CCNL1: variants seen among roughly 807,000 people sequenced by gnomAD.
CCNL1 encodes the protein cyclin L1, also known as cyclin-L1.
A neutral mutation model predicts 60.6 loss-of-function variants in CCNL1; 13 were observed. The ratio of observed to expected loss-of-function variants is 0.21; its 90% confidence interval spans 0.14 to 0.34. The LOEUF (loss-of-function observed/expected upper bound fraction) is 0.34, where lower values mean the gene tolerates loss of function less well. Among genes scored for constraint, CCNL1 ranks in the 10% least tolerant of loss-of-function variants. The pLI is 1.00. For synonymous variants in CCNL1, 270 were observed against 244.3 expected (o/e 1.10, Z -0.98); for missense variants, 481 against 664.3 (o/e 0.72, Z 3.03).
chr3:157,146,848 A>G (rs953240926), downstream of CCNL1, among the ~76,000 whole-genome samples: 2 of 152,202 alleles, frequency 1.3e-5, no homozygotes, highest in Non-Finnish European at 2.9e-5. Flanking sequence ...TGAAGTGGCT[A>G]ACTTTTGCTG....
chr3:157,159,506 C>T (rs200036211), intron 1 of CCNL1, 27 bp from the exon 2 acceptor site: 4 of 1,602,304 alleles, frequency 2.5e-6, no homozygotes, highest in Non-Finnish European at 3.4e-6. Flanking sequence ...AGAACGGAAG[C>T]GCAGGGGTCA....
chr3:157,150,432 G>A, intron 5 of CCNL1, 51 bp from the exon 6 acceptor site: 1 of 1,576,326 alleles, frequency 6.3e-7, no homozygotes, highest in Non-Finnish European at 8.7e-7. Context: ...CAGTTCTTCT[G>A]AAGCTTACAT....
At chr3:157,145,437 C>CAAGAAAAAAAAAAAAA (rs1737750771), downstream of CCNL1, among the ~76,000 whole-genome samples, 1 of 24,266 alleles carries the variant, frequency 4.1e-5, no homozygotes, top group African/African-American at 1.4e-4. Context: ...GACTTCATCT[C>CAAGAAAAAAAAAAAAA]AAAAAAAAAA....
chr3:157,157,695 G>A (rs1738726463), intron 3 of CCNL1, among the ~76,000 whole-genome samples: 1 of 152,160 alleles, frequency 6.6e-6, no homozygotes, highest in South Asian at 2.1e-4. Context: ...ACACAGTTAA[G>A]GTGAATGAGA....
intron 3 of CCNL1, among the ~76,000 whole-genome samples, chr3:157,158,427 A>T (rs1047220708): frequency 6.6e-6 from 1 of 152,234 alleles, no homozygotes; most frequent in Non-Finnish European, 1.5e-5. Context: ...ATTGATAAAG[A>T]ATTAACTGGG....
chr3:157,153,777 A>G (rs1327584317), intron 3 of CCNL1: 1 of 152,182 alleles, frequency 6.6e-6, no homozygotes, highest in Non-Finnish European at 1.5e-5. Flanking sequence ...AACAGTGGGT[A>G]GTTAATCCAG....
chr3:157,148,413 G>C lies in CCNL1; in HGVS notation c.1409C>G (p.Ser470Cys). 1 of 1,614,152 alleles carries C rather than the reference G, an allele frequency of 6.2e-7. No individual in the cohort carries two copies. Among genetic ancestry groups the C allele is most frequent in the South Asian group, 1.1e-5 (1 of 91,084 alleles). Residue 470 changes from serine to cysteine, a missense_variant, in exon 11 of 11, where the codon TCT (serine) becomes TGT (cysteine). Physicochemically the swap from Ser to Cys is moderately radical, Grantham distance 112 (BLOSUM62 -1). This residue lies in a region of CCNL1 where 197 missense variants were observed against 233.9 expected (regional missense o/e 0.84). Transcript: ENST00000295926. Reference protein sequence around the residue: ...SNRHGHKRKKSRSRSQSKSRD... With the variant: ...SNRHGHKRKKCRSRSQSKSRD... ...AGACTTGCTCTGAGATCGAGAACGAGATTTTTTCCTTTTATGACCATGTCT... is the reference window on the plus strand; with the variant it reads ...AGACTTGCTCTGAGATCGAGAACGACATTTTTTCCTTTTATGACCATGTCT...
chr3:157,160,107 C>G lies in CCNL1; in HGVS notation c.-13G>C, dbSNP rs1244168575. The G allele has an allele frequency of 6.5e-7, 1 of 1,535,474 alleles. No individual in the cohort carries two copies. The highest frequency in any genetic ancestry group is 8.8e-7 in the Non-Finnish European group (1 of 1,138,578). ...GCCCGGACGCCATAGTCTTAGCGAG[C>G]CGCACGCAAGCCCAACGCAGCCGGA... On this transcript the variant is annotated 5_prime_UTR_variant, in exon 1 of 11. Coordinates refer to ENST00000295926, the MANE Select transcript of CCNL1 (RefSeq NM_020307.4).
Position 157,159,844 on chromosome 3 carries a change from A to C in CCNL1, c.251T>G (p.Ile84Ser), listed in dbSNP as rs1204830737. The C allele has an allele frequency of 6.4e-7, 1 of 1,562,080 alleles. No homozygotes were observed. Among genetic ancestry groups the C allele is most frequent in the Non-Finnish European group, 8.7e-7 (1 of 1,151,750 alleles). ...GGCCTGGATGAGCTCGCAGCCCAGG[A>C]TGCGTAAGTCCGTCTCACTGGGCAG... is the stretch of plus-strand genomic sequence containing the variant. ...LDLPSETDLRILGCELIQAAG... is the reference protein window; with the variant it reads ...LDLPSETDLRSLGCELIQAAG... Residue 84 changes from isoleucine (I) to serine (S), a missense_variant, in exon 1 of 11, where the codon ATC (isoleucine) becomes AGC (serine). Around this residue, in one of 5 missense-constraint regions of CCNL1, gnomAD observed 130 missense variants for 174.5 expected, o/e 0.75. Transcript: ENST00000295926.
intron 4 of CCNL1, chr3:157,152,545 A>G (rs1047019758): frequency 9.1e-7 from 1 of 1,097,510 alleles, no homozygotes; most frequent in Non-Finnish European, 1.1e-6. Context: ...TTCCCAAGGT[A>G]CATTTCTAAC....
chr3:157,148,937 C>T (rs549430386), intron 10 of CCNL1: 9 of 328,120 alleles, frequency 2.7e-5, no homozygotes, highest in Non-Finnish European at 5.0e-5. Flanking sequence ...GATTCATTGA[C>T]TGGTTAATTT....
chr3:157,143,801 T>C (rs931334864), downstream of CCNL1, among the ~76,000 whole-genome samples: 1 of 151,980 alleles, frequency 6.6e-6, no homozygotes, highest in African/African-American at 2.4e-5. Context: ...AGGATGGCAA[T>C]AAAGGCTCAG....
At chr3:157,150,447 T>C in intron 5 of CCNL1, 66 bp from the exon 6 acceptor site, 11 of 1,556,050 alleles carry the variant, frequency 7.1e-6, no homozygotes, top group Non-Finnish European at 9.6e-6. Flanking sequence ...TTACATAAAA[T>C]TGGAGACTCA....
In CCNL1 at chr3:157,147,658, A is replaced by G. The variant is rs926730833; in HGVS notation, c.*583T>C. ...GAAGACTTACAATAGCTCACAATGC[A>G]GTTAAGAATTGCATTTTAATAATCT... On this transcript the variant is annotated 3_prime_UTR_variant, in exon 11 of 11. Transcript: ENST00000295926. The G allele has an allele frequency of 1.0e-6, 1 of 984,838 alleles. No individual in the cohort carries two copies. Among genetic ancestry groups the G allele is most frequent in the African/African-American group, 1.7e-5 (1 of 57,244 alleles). 61.0% of individuals were successfully genotyped at this position (984,838 alleles called of 1,614,324 possible).
chr3:157,146,624 A>AAG (rs1273500083), downstream of CCNL1: 1 of 374,852 alleles, frequency 2.7e-6, no homozygotes, highest in East Asian at 8.9e-5. Context: ...AAAAAAAAAA[A>AAG]AAAGTTAAAA....
chr3:157,147,860 GT>G lies in CCNL1; in HGVS notation c.*380del. 1.0e-6 allele frequency: 1 copy of G among 994,390 alleles called. No homozygotes were observed. The highest frequency in any genetic ancestry group is 6.0e-5 in the Admixed American group (1 of 16,546). The allele number at this position is 994,390 out of a possible 1,614,324, so 61.6% of individuals were successfully genotyped here. A position where few individuals can be genotyped will look rare whatever the true frequency, so the allele number is the denominator to read the frequency against. The stretch of plus-strand genomic sequence containing the variant: ...AATCTTTACACATGCAGACAAACCA[GT>G]GTTAAGAAAGTATTCACCATCATTT... On this transcript the variant is annotated 3_prime_UTR_variant, in exon 11 of 11. Coordinates refer to ENST00000295926, the MANE Select transcript of CCNL1 (RefSeq NM_020307.4).
In CCNL1 at chr3:157,152,402, CAT is replaced by C. The variant is rs1257202085; in HGVS notation, c.610-163_610-162del. 4.5e-6 allele frequency: 6 copies of C among 1,321,690 alleles called. No homozygotes were observed. In the African/African-American group the frequency reaches 4.6e-5, roughly 10 times the overall value. The allele number at this position is 1,321,690 out of a possible 1,614,324, so 81.9% of individuals were successfully genotyped here. A position where few individuals can be genotyped will look rare whatever the true frequency, so the allele number is the denominator to read the frequency against. ...CATAAGATTCTAATGTGAACTGCTACATGACTAGATTTTATATAAATTATGTT... is the reference window on the plus strand; with the variant it reads ...CATAAGATTCTAATGTGAACTGCTACGACTAGATTTTATATAAATTATGTT... On this transcript the variant is annotated intron_variant, in intron 4 of 10. Transcript: ENST00000295926.
chr3:157,150,173 A>T lies in CCNL1; in HGVS notation c.775-4T>A. 1 of 1,609,890 alleles carries T rather than the reference A, an allele frequency of 6.2e-7. No homozygotes were observed. Among genetic ancestry groups the T allele is most frequent in the Non-Finnish European group, 8.5e-7 (1 of 1,178,638 alleles). On this transcript the variant is annotated splice_region_variant and splice_polypyrimidine_tract_variant and intron_variant, in intron 6 of 10. Transcript: ENST00000295926. ...GGGGACGAGTTGGCAACGGAATCTA[A>T]ACCATAAGAACAGAATGTTTTAAAT...
At chr3:157,156,323 A>C (rs1234018487) in intron 3 of CCNL1, among the ~76,000 whole-genome samples, 1 of 152,240 alleles carries the variant, frequency 6.6e-6, no homozygotes. Flanking sequence ...GGTAGACTAA[A>C]TGACATCACT....
Sources: allele counts gnomAD v4.1 joint callset (sites outside exome capture counted in the v4.1 genomes callset), GRCh38; gene constraint gnomAD v4.1.1; regional missense constraint gnomAD v4.1.1; transcripts MANE v1.5; gene names NCBI Gene and HGNC (gene_info 2026-07-23, HGNC 2026-07-21).